SMPDL3B: variants seen among roughly 807,000 people sequenced by gnomAD.
SMPDL3B encodes the protein sphingomyelin phosphodiesterase acid like 3B, also known as acid sphingomyelinase-like phosphodiesterase 3b.
Under a neutral mutation model 37.9 loss-of-function variants are expected in SMPDL3B, and 31 were observed. The ratio of observed to expected loss-of-function variants is 0.82; its 90% CI spans 0.61 to 1.10. The LOEUF (loss-of-function observed/expected upper bound fraction) is 1.10. SMPDL3B is among the 50% of genes least tolerant of loss of function. SMPDL3B has a pLI of 0.00. For missense variants in SMPDL3B, 525 were observed against 597.8 expected, an observed-to-expected ratio of 0.88 and a Z score of 1.27; for synonymous variants, 235 against 242.6, an observed-to-expected ratio of 0.97 and a Z score of 0.29.
At chr1:27,957,149 T>A (rs888258402) in intron 7 of SMPDL3B, among the ~76,000 whole-genome samples, 5 of 152,054 alleles carry the variant, frequency 3.3e-5, no homozygotes, top group African/African-American at 1.2e-4. Flanking sequence ...GGAATCATCA[T>A]GTCTGCTGTG....
intron 2 of SMPDL3B, among the ~76,000 whole-genome samples, chr1:27,948,319 C>A (rs1399549010): frequency 6.6e-6 from 1 of 152,136 alleles, no homozygotes; most frequent in Non-Finnish European, 1.5e-5. Context: ...AGAAAGTCAG[C>A]CGGTGTGAGC....
At position 27,953,305 on chromosome 1, in the gene SMPDL3B, C is replaced by G. The variant is rs2090469532; in HGVS notation, c.464C>G (p.Ala155Gly). The stretch of plus-strand genomic sequence containing the variant: ...AGTAACAACATCTACAATCAGATAG[C>G]AGAACTATGGAAACCCTGGCTTAGT... ...AGSNNIYNQI[A>G]ELWKPWLSNE... Residue 155 changes from alanine to glycine, a missense_variant, in exon 4 of 8, where the codon GCA becomes GGA. Physicochemically the swap from Ala to Gly is moderately conservative, Grantham distance 60. Coordinates refer to ENST00000373894, the MANE Select transcript of SMPDL3B (RefSeq NM_014474.4). 6.2e-7 allele frequency: 1 copy of G among 1,613,644 alleles called. No individual in the cohort carries two copies. The highest frequency in any genetic ancestry group is 8.5e-7 in the Non-Finnish European group (1 of 1,179,692).
At chr1:27,956,582 G>A (rs1638291301) in intron 7 of SMPDL3B, 1 of 724,070 alleles carries the variant, frequency 1.4e-6, no homozygotes, top group East Asian at 1.1e-4. Context: ...TCACCTCGTA[G>A]GATGAGCTTG....
intron 2 of SMPDL3B, among the ~76,000 whole-genome samples, chr1:27,947,846 G>T (rs2148677358): frequency 6.6e-6 from 1 of 151,966 alleles, no homozygotes; most frequent in East Asian, 2.0e-4. Flanking sequence ...CTCCCCAAGT[G>T]CTGGGATTAC....
intron 1 of SMPDL3B, among the ~76,000 whole-genome samples, 189 bp downstream of exon 1, chr1:27,935,433 C>T (rs2090298879): frequency 6.6e-6 from 1 of 152,118 alleles, no homozygotes; most frequent in Non-Finnish European, 1.5e-5. Context: ...TAAGTGGAGG[C>T]GCCAGCTGGC....
At chr1:27,943,968 T>C in intron 1 of SMPDL3B, among the ~76,000 whole-genome samples, 1 of 148,372 alleles carries the variant, frequency 6.7e-6, no homozygotes. Context: ...GAGCCGAGAT[T>C]GCACCATTGC....
chr1:27,955,592 T>C, intron 5 of SMPDL3B, 92 bp from the exon 6 acceptor site: 2 of 1,326,984 alleles, frequency 1.5e-6, no homozygotes, highest in Non-Finnish European at 2.1e-6. Flanking sequence ...CCTGTCTACC[T>C]GCCTTTGGGG....
chr1:27,958,330 G>A lies in SMPDL3B; in HGVS notation c.1006-146G>A. 1 of 1,113,424 alleles carries A rather than the reference G, an allele frequency of 9.0e-7. No individual in the cohort carries two copies. The highest frequency in any genetic ancestry group is 1.3e-6 in the Non-Finnish European group (1 of 783,960). The allele number at this position is 1,113,424 out of a possible 1,614,324, so 69.0% of individuals were successfully genotyped here. A position where few individuals can be genotyped will look rare whatever the true frequency, so the allele number is the denominator to read the frequency against. ...ATTCGATTCAGAGGATGTCTGCCAA[G>A]CACAATGGGTGCACAGCTAAGTGCT... On this transcript the variant is annotated intron_variant, in intron 7 of 7. Coordinates refer to ENST00000373894, the MANE Select transcript of SMPDL3B (RefSeq NM_014474.4). This position sits in a 1 kb window ranked among gnomAD's most constrained non-coding sequence, Gnocchi z 5.6.
At chr1:27,949,281 C>A in intron 3 of SMPDL3B, 119 bp downstream of exon 3, 2 of 1,057,010 alleles carry the variant, frequency 1.9e-6, no homozygotes, top group Non-Finnish European at 1.4e-6. Context: ...ACAGCGATGG[C>A]TGTTGGCCAG....
rs1343107349 is a variant in SMPDL3B at position 27,958,602 on chromosome 1, G to A, written c.1132G>A (p.Val378Met). Residue 378 changes from valine to methionine, a missense_variant, in exon 8 of 8, where the codon GTG becomes ATG. Physicochemically the swap from Val to Met is conservative, Grantham distance 21. Transcript: ENST00000373894. This position sits in a 1 kb window ranked among gnomAD's most constrained non-coding sequence, Gnocchi z 5.6. Reference protein sequence around the residue: ...PDASAHSMHTVLDRIAGDQST... With the variant: ...PDASAHSMHTMLDRIAGDQST... ...CGCCAGCGCCCACTCCATGCACACA[G>A]TGCTGGACCGCATCGCTGGCGACCA... The A allele has an allele frequency of 3.7e-6, 6 of 1,613,768 alleles. No homozygotes were observed. Among genetic ancestry groups the A allele is most frequent in the Non-Finnish European group, 5.1e-6 (6 of 1,179,844 alleles).
rs767170694 is a variant in SMPDL3B at position 27,945,907 on chromosome 1, G to C, written c.275+462G>C. 7.2e-5 allele frequency among the ~76,000 whole-genome samples: 11 copies of C among 152,114 alleles called. No individual in the cohort carries two copies. The highest frequency in any genetic ancestry group is 1.6e-4 in the Non-Finnish European group (11 of 68,010). On this transcript the variant is annotated intron_variant, in intron 2 of 7. Transcript: ENST00000373894. This position sits in a 1 kb window ranked among gnomAD's most constrained non-coding sequence, Gnocchi z 4.0. ...CACCCCTGGGCTGCCCAGTGGTCCTGGATTTTCTCACCAGTCAGAGCTCTG... is the reference window on the plus strand; with the variant it reads ...CACCCCTGGGCTGCCCAGTGGTCCTCGATTTTCTCACCAGTCAGAGCTCTG...
intron 1 of SMPDL3B, among the ~76,000 whole-genome samples, chr1:27,943,030 G>A (rs1275204441): frequency 1.3e-5 from 2 of 152,146 alleles, no homozygotes; most frequent in African/African-American, 4.8e-5. Flanking sequence ...TATAAACAAA[G>A]GCTCAGTTTG....
intron 1 of SMPDL3B, among the ~76,000 whole-genome samples, chr1:27,937,381 G>C (rs183354192): frequency 1.3e-5 from 2 of 152,348 alleles, no homozygotes; most frequent in Non-Finnish European, 2.9e-5. Flanking sequence ...GACCAGGGCA[G>C]GAATGGTAAC....
chr1:27,938,582 G>A (rs2090328051), intron 1 of SMPDL3B, among the ~76,000 whole-genome samples: 1 of 152,180 alleles, frequency 6.6e-6, no homozygotes, highest in Non-Finnish European at 1.5e-5. Flanking sequence ...CAGGTACATT[G>A]TAAAATGTTG....
At chr1:27,956,434 G>A in intron 7 of SMPDL3B, 1 of 1,279,634 alleles carries the variant, frequency 7.8e-7, no homozygotes, top group Non-Finnish European at 1.0e-6. Flanking sequence ...AACCTTCAGT[G>A]GCTCCCCAGT....
chr1:27,953,382 C>T (rs2090471183), intron 4 of SMPDL3B, 24 bp downstream of exon 4: 2 of 1,587,840 alleles, frequency 1.3e-6, no homozygotes, highest in African/African-American at 2.7e-5. Flanking sequence ...CTGCTCCTAT[C>T]AAGAGCACTT....
At chr1:27,944,449 G>A (rs940817384) in intron 1 of SMPDL3B, among the ~76,000 whole-genome samples, 2 of 152,010 alleles carry the variant, frequency 1.3e-5, no homozygotes, top group African/African-American at 4.8e-5. Context: ...CCACCTCCTG[G>A]GCTCAGGCGA....
chr1:27,935,814 G>A (rs746236215), intron 1 of SMPDL3B, among the ~76,000 whole-genome samples: 1 of 152,204 alleles, frequency 6.6e-6, no homozygotes, highest in Non-Finnish European at 1.5e-5. Context: ...GGAGCCTTGA[G>A]GCAGTGAGTG....
Position 27,945,246 on chromosome 1 carries a change from A to G in SMPDL3B, c.76A>G (p.Ile26Val), listed in dbSNP as rs1052018019. The change falls in exon 2 of 8, where the codon ATC becomes GTC. Residue 26 changes from isoleucine (I) to valine (V), a missense_variant. Physicochemically the swap from Ile to Val is conservative, Grantham distance 29 (BLOSUM62 3). Coordinates refer to ENST00000373894, the MANE Select transcript of SMPDL3B (RefSeq NM_014474.4). This position sits in a 1 kb window ranked among gnomAD's most constrained non-coding sequence, Gnocchi z 4.0. ...ARAEPGKFWH[I>V]ADLHLDPDYK... is the part of the protein sequence containing the mutation. ...TTCCCCTGCAGGGAAGTTCTGGCAC[A>G]TCGCTGACCTGCACCTTGACCCTGA... 3 of 1,614,170 alleles carry G rather than the reference A, an allele frequency of 1.9e-6. No individual in the cohort carries two copies. The highest frequency in any genetic ancestry group is 2.5e-6 in the Non-Finnish European group (3 of 1,180,010).
Sources: gnomAD v4.1 joint callset for allele counts (sites outside exome capture counted in the v4.1 genomes callset) on GRCh38, gnomAD v4.1.1 for gene constraint, Gnocchi (gnomAD v3.1) non-coding constraint, MANE v1.5 for transcripts, NCBI Gene and HGNC (gene_info 2026-07-23, HGNC 2026-07-21) for gene names.